The following MCTP2 variants were observed in gnomAD, a reference collection of about 807,000 sequenced individuals.
MCTP2 encodes multiple C2 and transmembrane domain containing 2, also known as multiple C2 and transmembrane domain-containing protein 2.
A neutral mutation model predicts 111.6 loss-of-function variants in MCTP2; 132 were observed. The observed-to-expected ratio is 1.18, with a 90% CI of 1.03 to 1.37. The LOEUF is 1.37. Among genes scored for constraint, MCTP2 ranks in the 40% most tolerant of loss-of-function variants. The pLI is 0.00. For missense variants in MCTP2, 1,183 were observed against 1,067.9 expected, an observed-to-expected ratio of 1.11 and a Z score of -1.50; for synonymous variants, 395 against 387.7, an observed-to-expected ratio of 1.02 and a Z score of -0.22.
chr15:94,308,862 G>A (rs2076004424), intron 2 of MCTP2, among the ~76,000 whole-genome samples: 2 of 152,130 alleles, frequency 1.3e-5, no homozygotes, highest in Non-Finnish European at 2.9e-5. Context: ...GCAAGCGGCG[G>A]GCTGGATTTG....
Position 94,401,979 on chromosome 15 carries a change from T to C in MCTP2, c.2045T>C (p.Phe682Ser), listed in dbSNP as rs2152476080. The C allele has an allele frequency of 6.2e-7, 1 of 1,613,664 alleles. No individual in the cohort carries two copies. The highest frequency in any genetic ancestry group is 8.5e-7 in the Non-Finnish European group (1 of 1,179,706). ...WNTMQFLKSC[F>S]QWESTLRSTI... ...ACAATGCAGTTCCTTAAAAGCTGCT[T>C]CCAGTGGGAATCCACATTAAGAAGT... Residue 682 changes from phenylalanine to serine, a missense_variant, in exon 17 of 23, where the codon TTC becomes TCC. Physicochemically the swap from Phe to Ser is radical, Grantham distance 155 (BLOSUM62 -2). Coordinates refer to ENST00000357742, the MANE Select transcript of MCTP2 (RefSeq NM_001385001.1).
chr15:94,381,645 G>C (rs1304066124), intron 12 of MCTP2, among the ~76,000 whole-genome samples: 1 of 152,214 alleles, frequency 6.6e-6, no homozygotes, highest in Admixed American at 6.5e-5. Context: ...GGCGTCTCTG[G>C]AGGAGCAGCG....
At chr15:94,294,789 G>A (rs1478004706) in intron 1 of MCTP2, among the ~76,000 whole-genome samples, 1 of 152,078 alleles carries the variant, frequency 6.6e-6, no homozygotes, top group Non-Finnish European at 1.5e-5. Flanking sequence ...GGATTCCTAA[G>A]CTTTGATCTG....
At chr15:94,279,929 C>T (rs1345284207) in intron 1 of MCTP2, among the ~76,000 whole-genome samples, 1 of 152,134 alleles carries the variant, frequency 6.6e-6, no homozygotes, top group African/African-American at 2.4e-5. Context: ...ATACTTTGAA[C>T]CAAGCTTGCA....
At chr15:94,371,087 C>T (rs2079459151) in intron 12 of MCTP2, among the ~76,000 whole-genome samples, 1 of 150,988 alleles carries the variant, frequency 6.6e-6, no homozygotes, top group African/African-American at 2.4e-5. Flanking sequence ...GTTTTCAGCG[C>T]ATTATATTAC....
intron 1 of MCTP2, among the ~76,000 whole-genome samples, chr15:94,245,178 A>G (rs2071724727): frequency 6.8e-6 from 1 of 146,520 alleles, no homozygotes; most frequent in East Asian, 2.1e-4. Context: ...ACATGTATAG[A>G]TTTATACACA....
At chr15:94,374,990 A>G (rs967159749) in intron 12 of MCTP2, among the ~76,000 whole-genome samples, 15 of 152,270 alleles carry the variant, frequency 9.9e-5, no homozygotes, top group African/African-American at 3.1e-4. Flanking sequence ...GCCATAAAGA[A>G]ATTCCTGTGA....
chr15:94,466,583 TG>T (rs1006935878), intron 20 of MCTP2, among the ~76,000 whole-genome samples: 1 of 152,130 alleles, frequency 6.6e-6, no homozygotes, highest in Non-Finnish European at 1.5e-5. Flanking sequence ...GTAAGCTTTA[TG>T]CAATGGTCTC....
chr15:94,474,785 G>C (rs1397715056), intron 21 of MCTP2, among the ~76,000 whole-genome samples: 1 of 152,056 alleles, frequency 6.6e-6, no homozygotes, highest in Non-Finnish European at 1.5e-5. Flanking sequence ...TGAAACTTTT[G>C]ATCCTGGACA....
intron 9 of MCTP2, among the ~76,000 whole-genome samples, chr15:94,356,778 A>G (rs967772977): frequency 1.3e-5 from 2 of 152,170 alleles, no homozygotes; most frequent in African/African-American, 2.4e-5. Flanking sequence ...AAAATAATAA[A>G]CTATCCAAAG....
At chr15:94,320,107 A>G (rs2076557685) in intron 4 of MCTP2, among the ~76,000 whole-genome samples, 2 of 149,948 alleles carry the variant, frequency 1.3e-5, no homozygotes, top group Non-Finnish European at 3.0e-5. Flanking sequence ...TTACAATCTT[A>G]GTGCTGTATT....
At chr15:94,448,197 C>A (rs1040693903) in intron 19 of MCTP2, among the ~76,000 whole-genome samples, 1 of 152,086 alleles carries the variant, frequency 6.6e-6, no homozygotes, top group Non-Finnish European at 1.5e-5. Context: ...GACTTGATAA[C>A]CTTTAGAAGT....
chr15:94,258,824 G>A (rs1201997548), intron 1 of MCTP2, among the ~76,000 whole-genome samples: 1 of 152,146 alleles, frequency 6.6e-6, no homozygotes, highest in Admixed American at 6.5e-5. Context: ...TTTCCAACAG[G>A]TTAAAGGATT....
chr15:94,370,040 GTATA>G lies in MCTP2; in HGVS notation c.1489-45_1489-42del, dbSNP rs769625522. On this transcript the variant is annotated intron_variant, in intron 11 of 22. Coordinates refer to ENST00000357742, the MANE Select transcript of MCTP2 (RefSeq NM_001385001.1). The stretch of plus-strand genomic sequence containing the variant: ...CTATAGGACTTTATGACATTAAGTA[GTATA>G]TTAAAAAGCTGTTTTCACTTGTATC... The G allele has an allele frequency of 6.9e-6, 9 of 1,299,694 alleles. No homozygotes were observed. The South Asian group carries it at 8.9e-5, about 13-fold the overall frequency. 80.5% of individuals were successfully genotyped at this position (1,299,694 alleles called of 1,614,324 possible).
chr15:94,325,419 G>C (rs1440033491), intron 4 of MCTP2, among the ~76,000 whole-genome samples: 1 of 152,200 alleles, frequency 6.6e-6, no homozygotes, highest in South Asian at 2.1e-4. Flanking sequence ...GAACAGGAAT[G>C]ACTTTGTGAT....
At chr15:94,240,339 A>G (rs928965803) in intron 1 of MCTP2, among the ~76,000 whole-genome samples, 2 of 152,110 alleles carry the variant, frequency 1.3e-5, no homozygotes, top group Non-Finnish European at 2.9e-5. Flanking sequence ...AATCTGGCCT[A>G]TGTCTTTTTT....
intron 16 of MCTP2, 145 bp from the exon 17 acceptor site, chr15:94,401,755 T>C: frequency 2.0e-6 from 1 of 504,088 alleles, no homozygotes; most frequent in Non-Finnish European, 3.3e-6. Context: ...CTTTTAGAAG[T>C]GTCAGGTCTT....
chr15:94,257,566 G>GTTGTTT (rs2072870727), intron 1 of MCTP2, among the ~76,000 whole-genome samples: 2 of 73,006 alleles, frequency 2.7e-5, no homozygotes, highest in Non-Finnish European at 5.3e-5. Context: ...CATTTTCTTT[G>GTTGTTT]TTGTTTTTTT....
At position 94,340,150 on chromosome 15, in the gene MCTP2, A is replaced by G. The variant is rs28434605; in HGVS notation, c.781-49A>G. 3.0e-4 allele frequency: 388 copies of G among 1,279,498 alleles called. 3 individuals are homozygous for G. In the African/African-American group the frequency reaches 4.8e-3, roughly 16 times the overall value. The allele number at this position is 1,279,498 out of a possible 1,614,324, so 79.3% of individuals were successfully genotyped here. On this transcript the variant is annotated intron_variant, in intron 5 of 22. Transcript: ENST00000357742. ...CATTTGTTAATAATTTGAAAAACTC[A>G]GTTGGTTTACCATAATAATGTGTTA...
Sources: allele counts gnomAD v4.1 joint callset (sites outside exome capture counted in the v4.1 genomes callset), GRCh38; gene constraint gnomAD v4.1.1; transcripts MANE v1.5; gene names NCBI Gene and HGNC (gene_info 2026-07-23, HGNC 2026-07-21).